CD101: variants seen among roughly 807,000 people sequenced by gnomAD.
CD101 encodes the protein CD101 molecule.
Under a neutral mutation model 98.2 loss-of-function variants are expected in CD101, and 76 were observed. That is an observed-to-expected ratio of 0.77 (90% CI 0.64 to 0.94). CD101 has a LOEUF of 0.94. CD101 is among the 40% of genes least tolerant of loss of function. The pLI is 0.00. For synonymous variants in CD101, 471 were observed against 472.7 expected, an observed-to-expected ratio of 1.00 and a Z score of 0.05; for missense variants, 1,145 against 1,218.8, an observed-to-expected ratio of 0.94 and a Z score of 0.90.
chr1:117,034,075 G>A lies in CD101; in HGVS notation c.3040G>A (p.Asp1014Asn). The A allele has an allele frequency of 6.2e-7, 1 of 1,614,192 alleles. No individual in the cohort carries two copies. Residue 1014 changes from aspartate to asparagine, a missense_variant, in exon 9 of 10, where the codon GAC (aspartate) becomes AAC (asparagine). Transcript: ENST00000682167. ...AGGTGTGACCACAAATAGGAGGGAA[G>A]ACGAGGAGGAAGATGAAGGCAACTG... ...AGGVTTNRREDEEEDEGN is the reference protein window; with the variant it reads ...AGGVTTNRRENEEEDEGN
chr1:117,029,184 AAAG>A (rs1557778699), intron 8 of CD101, among the ~76,000 whole-genome samples: 6 of 94,512 alleles, frequency 6.3e-5, no homozygotes, highest in Admixed American at 4.5e-4. Context: ...AGAAAGAAAG[AAAG>A]AAAGAAAGAA....
At chr1:117,017,513 A>G (rs1201283256) in intron 5 of CD101, 40 bp downstream of exon 5, 6 of 1,560,422 alleles carry the variant, frequency 3.8e-6, no homozygotes, top group Non-Finnish European at 5.2e-6. Context: ...CCTGTATATC[A>G]CTCAATTCAT....
At chr1:117,030,577 C>G (rs985049457) in intron 8 of CD101, among the ~76,000 whole-genome samples, 1 of 152,162 alleles carries the variant, frequency 6.6e-6, no homozygotes, top group Non-Finnish European at 1.5e-5. Flanking sequence ...TTTGGAGATG[C>G]CAAGCTACTT....
chr1:117,009,959 T>C lies in CD101; in HGVS notation c.153T>C (p.Pro51=), dbSNP rs1652784223. ...IGCNVTGHQG[P]SEQHFQWSVY... The stretch of plus-strand genomic sequence containing the variant: ...GCAATGTAACTGGCCACCAGGGACC[T>C]TCTGAGCAGCATTTCCAGTGGTCTG... The change falls in exon 2 of 10, where the codon CCT becomes CCC. Residue 51 remains proline, a synonymous_variant. Transcript: ENST00000682167. 4 of 1,614,204 alleles carry C rather than the reference T, an allele frequency of 2.5e-6. No individual in the cohort carries two copies. Among genetic ancestry groups the C allele is most frequent in the Non-Finnish European group, 3.4e-6 (4 of 1,180,038 alleles).
chr1:117,017,074 A>G lies in CD101; in HGVS notation c.1229-16A>G. 2 of 1,605,950 alleles carry G rather than the reference A, an allele frequency of 1.2e-6. No individual in the cohort carries two copies. The highest frequency in any genetic ancestry group is 2.2e-5 in the South Asian group (2 of 89,926). ...ACCTAAAACAGTTTTGTTCTTCTAT[A>G]ATCTGTAACTCACAGCAAGAAGTGT... On this transcript the variant is annotated splice_polypyrimidine_tract_variant and intron_variant, in intron 4 of 9. Coordinates refer to ENST00000682167, the MANE Select transcript of CD101 (RefSeq NM_001256106.3).
At position 117,033,164 on chromosome 1, in the gene CD101, C is replaced by T. The variant is rs1654568580; in HGVS notation, c.2825-696C>T. 1 of 152,952 alleles carries T rather than the reference C, an allele frequency of 6.5e-6. No individual in the cohort carries two copies. The highest frequency in any genetic ancestry group is 6.5e-5 in the Admixed American group (1 of 15,286). 9.5% of individuals were successfully genotyped at this position (152,952 alleles called of 1,614,324 possible). A position where few individuals can be genotyped will look rare whatever the true frequency, so the allele number is the denominator to read the frequency against. ...TGGAAGAGAAGAACTGTGCCTGCAG[C>T]AAGGTAGGAAGAGCTGAGAGAGTAG... On this transcript the variant is annotated intron_variant, in intron 8 of 9. Transcript: ENST00000682167. The surrounding 1 kb of genome is among the most constrained non-coding windows in gnomAD (Gnocchi z 4.8).
At chr1:117,015,104 G>C (rs1222662093) in intron 4 of CD101, among the ~76,000 whole-genome samples, 1 of 152,148 alleles carries the variant, frequency 6.6e-6, no homozygotes, top group Admixed American at 6.5e-5. Flanking sequence ...ATAGTTCTTT[G>C]TATAGGCTGG....
intron 4 of CD101, among the ~76,000 whole-genome samples, chr1:117,014,609 G>A (rs1555793): frequency 0.4 from 61,069 of 151,940 alleles, 12,713 homozygotes; most frequent in East Asian, 0.61. Context: ...AGACATATCT[G>A]CAACTAATAT....
At chr1:117,020,076 T>C (rs1253961301) in intron 6 of CD101, among the ~76,000 whole-genome samples, 1 of 152,084 alleles carries the variant, frequency 6.6e-6, no homozygotes, top group East Asian at 1.9e-4. Context: ...TGTGTGGCAA[T>C]CCTTAACCTC....
At position 117,018,999 on chromosome 1, in the gene CD101, T is replaced by C. The variant is rs1036556910; in HGVS notation, c.2017+439T>C. Among the ~76,000 whole-genome samples the C allele has an allele frequency of 1.3e-5, 2 of 152,240 alleles. No individual in the cohort carries two copies. The highest frequency in any genetic ancestry group is 2.9e-5 in the Non-Finnish European group (2 of 68,034). On this transcript the variant is annotated intron_variant, in intron 6 of 9. Coordinates refer to ENST00000682167, the MANE Select transcript of CD101 (RefSeq NM_001256106.3). This position sits in a 1 kb window ranked among gnomAD's most constrained non-coding sequence, Gnocchi z 4.3. ...TAAATTCCACTGGAATACATCCACC[T>C]ACTTCTTTGTAAGGTGTTAATGTAT...
intron 9 of CD101, chr1:117,034,367 TG>T: frequency 2.2e-6 from 1 of 456,498 alleles, no homozygotes; most frequent in Non-Finnish European, 4.0e-6. Context: ...TTCAGGTCCC[TG>T]GGCTGCAAGG....
At chr1:117,029,317 G>A (rs1654293169) in intron 8 of CD101, among the ~76,000 whole-genome samples, 1 of 137,514 alleles carries the variant, frequency 7.3e-6, no homozygotes, top group South Asian at 2.3e-4. Flanking sequence ...AAAGAAAGAA[G>A]AAAGAAAGAA....
intron 4 of CD101, among the ~76,000 whole-genome samples, chr1:117,016,735 G>T (rs1025780024): frequency 6.6e-6 from 1 of 152,162 alleles, no homozygotes; most frequent in Admixed American, 6.5e-5. Flanking sequence ...GCACGTGCCT[G>T]TAGTCCCAGC....
intron 8 of CD101, among the ~76,000 whole-genome samples, chr1:117,031,557 G>T (rs1270390116): frequency 6.6e-6 from 1 of 152,214 alleles, no homozygotes; most frequent in East Asian, 1.9e-4. Flanking sequence ...CAAGCCTGGG[G>T]TCCCTGTGGG....
chr1:117,003,315 T>TTAA (rs574754779), intron 1 of CD101, among the ~76,000 whole-genome samples: 129 of 152,324 alleles, frequency 8.5e-4, no homozygotes, highest in Non-Finnish European at 1.2e-3. Flanking sequence ...AAGAGGTTGC[T>TTAA]TAATAAACAT....
rs150553337 is a variant in CD101, at chr1:117,011,880, C to T, written c.755C>T (p.Thr252Met). 18 of 1,614,092 alleles carry T rather than the reference C, an allele frequency of 1.1e-5. No individual in the cohort carries two copies. Among genetic ancestry groups the T allele is most frequent in the Middle Eastern group, 1.6e-4 (1 of 6,062 alleles). The stretch of plus-strand genomic sequence containing the variant: ...CAGGGTCAGCTGTTCTGTGAGGCAA[C>T]GGAATGGATTCAGGATCCAGATGAA... The part of the protein sequence containing the change: ...SDQGQLFCEA[T>M]EWIQDPDETW... Residue 252 changes from threonine (T) to methionine (M), a missense_variant, in exon 3 of 10, where the codon ACG becomes ATG. Thr to Met is a moderately conservative substitution (Grantham distance 81). Coordinates refer to ENST00000682167, the MANE Select transcript of CD101 (RefSeq NM_001256106.3).
rs781771837 is a variant in CD101, at chr1:117,001,775, G to A, written c.-43G>A. ...AGCATTTGTCACTCAACCTCTGAATGTTAGTGACACTATTGGGACGAAAAA... is the reference window on the plus strand; with the variant it reads ...AGCATTTGTCACTCAACCTCTGAATATTAGTGACACTATTGGGACGAAAAA... On this transcript the variant is annotated 5_prime_UTR_variant, in exon 1 of 10. The change abolishes an upstream ATG in the 5' untranslated region. Coordinates refer to ENST00000682167, the MANE Select transcript of CD101 (RefSeq NM_001256106.3). 6.3e-7 allele frequency: 1 copy of A among 1,587,260 alleles called. No individual in the cohort carries two copies. The highest frequency in any genetic ancestry group is 8.6e-7 in the Non-Finnish European group (1 of 1,156,092).
chr1:117,012,934 G>A lies in CD101; in HGVS notation c.842-472G>A, dbSNP rs1652975957. Among the ~76,000 whole-genome samples the A allele has an allele frequency of 6.6e-6, 1 of 152,120 alleles. No homozygotes were observed. Among genetic ancestry groups the A allele is most frequent in the Non-Finnish European group, 1.5e-5 (1 of 68,018 alleles). On this transcript the variant is annotated intron_variant, in intron 3 of 9. Coordinates refer to ENST00000682167, the MANE Select transcript of CD101 (RefSeq NM_001256106.3). This position sits in a 1 kb window ranked among gnomAD's most constrained non-coding sequence, Gnocchi z 4.0. ...CTAAAAATTGTCCTGTTGGCCTCAA[G>A]TATCCAAGTTATACTCATGAGTCCT... is the stretch of plus-strand genomic sequence containing the variant.
chr1:117,030,957 A>T (rs1191120063), intron 8 of CD101, among the ~76,000 whole-genome samples: 1 of 152,224 alleles, frequency 6.6e-6, no homozygotes, highest in Admixed American at 6.5e-5. Context: ...AAGTGCTCTC[A>T]TTACATTTTT....
Sources: gnomAD v4.1 joint callset for allele counts (sites outside exome capture counted in the v4.1 genomes callset) on GRCh38, gnomAD v4.1.1 for gene constraint, Gnocchi (gnomAD v3.1) non-coding constraint, MANE v1.5 for transcripts, NCBI Gene and HGNC (gene_info 2026-07-23, HGNC 2026-07-21) for gene names.